LARGE1: variants seen among roughly 807,000 people sequenced by gnomAD.
LARGE1 encodes xylosyl- and glucuronyltransferase LARGE1.
A neutral mutation model predicts 87.6 loss-of-function variants in LARGE1; 43 were observed. That is an observed-to-expected ratio of 0.49 (90% CI 0.38 to 0.63). The LOEUF is 0.63. LARGE1 is among the 30% of genes least tolerant of loss of function. The probability of loss-of-function intolerance (pLI) is 0.00; values close to 1 mark genes in which losing one functional copy is unlikely to be tolerated. For missense variants in LARGE1, 802 were observed against 1,000.2 expected (o/e 0.80, Z 2.67); for synonymous variants, 434 against 394.6 (o/e 1.10, Z -1.18).
intron 11 of LARGE1, among the ~76,000 whole-genome samples, chr22:33,167,555 T>C (rs1922339219): frequency 1.3e-5 from 2 of 152,298 alleles, no homozygotes; most frequent in South Asian, 4.1e-4. Flanking sequence ...TTTCAATTTA[T>C]TCCTAACAGG....
chr22:33,840,379 T>C (rs1314750404), intron 1 of LARGE1, among the ~76,000 whole-genome samples: 5 of 152,224 alleles, frequency 3.3e-5, no homozygotes, highest in South Asian at 2.1e-4. Flanking sequence ...AAACTTTTTA[T>C]ACATACATTC....
chr22:33,381,922 TAGATCAGAC>T lies in LARGE1; in HGVS notation c.1119_1127del (p.Ser374_Leu376del), dbSNP rs1189997868. 1.9e-6 allele frequency: 3 copies of T among 1,613,892 alleles called. No homozygotes were observed. The highest frequency in any genetic ancestry group is 2.5e-6 in the Non-Finnish European group (3 of 1,179,998). ...GATGTCCCTGTGTTGACCCTACCTTTAGATCAGACACGTCTCTGTAGCACTGCTCGGAGC... is the reference window on the plus strand; with the variant it reads ...GATGTCCCTGTGTTGACCCTACCTTTACGTCTCTGTAGCACTGCTCGGAGC... On this transcript the variant is annotated inframe_deletion, in exon 9 of 15. Transcript: ENST00000397394.
chr22:33,298,691 C>A (rs934024637), intron 12 of LARGE1, among the ~76,000 whole-genome samples: 6 of 152,018 alleles, frequency 3.9e-5, no homozygotes, highest in African/African-American at 1.4e-4. Flanking sequence ...ATTAGCTGGG[C>A]AAGGTGGTGT....
At chr22:33,395,565 A>G (rs1174013183) in intron 7 of LARGE1, among the ~76,000 whole-genome samples, 7 of 152,182 alleles carry the variant, frequency 4.6e-5, no homozygotes, top group African/African-American at 1.4e-4. Flanking sequence ...GTTTAAGAGA[A>G]GGTTCTGCCA....
chr22:33,525,866 T>C (rs752675219), intron 6 of LARGE1, among the ~76,000 whole-genome samples: 6 of 152,164 alleles, frequency 3.9e-5, no homozygotes, highest in Non-Finnish European at 4.4e-5. Flanking sequence ...ATTTGGAAAA[T>C]GGTTTGGCAA....
intron 6 of LARGE1, among the ~76,000 whole-genome samples, chr22:33,543,085 A>G (rs1602341247): frequency 6.6e-6 from 1 of 152,334 alleles, no homozygotes; most frequent in Non-Finnish European, 1.5e-5. Flanking sequence ...AAGACTGGAA[A>G]GAAAATTTAT....
chr22:33,643,980 G>C (rs1258630544), intron 3 of LARGE1, among the ~76,000 whole-genome samples: 1 of 152,096 alleles, frequency 6.6e-6, no homozygotes, highest in Non-Finnish European at 1.5e-5. Flanking sequence ...TCTTACCAGA[G>C]GTACAAAGAG....
At chr22:33,084,549 G>A in the LARGE1 span, among the ~76,000 whole-genome samples, 1 of 151,790 alleles carries the variant, frequency 6.6e-6, no homozygotes, top group African/African-American at 2.4e-5. Flanking sequence ...CAGCTACTTG[G>A]GAGCTGAGGT....
At chr22:33,293,650 G>T (rs545412231) in intron 12 of LARGE1, among the ~76,000 whole-genome samples, 9 of 152,182 alleles carry the variant, frequency 5.9e-5, no homozygotes, top group Non-Finnish European at 1.2e-4. Context: ...AGGAGGCTAC[G>T]ATCTGTGTAC....
At chr22:33,674,660 G>T (rs891085337) in intron 2 of LARGE1, among the ~76,000 whole-genome samples, 1 of 152,102 alleles carries the variant, frequency 6.6e-6, no homozygotes, top group Non-Finnish European at 1.5e-5. Context: ...CCAATGCATG[G>T]ATCACTCTTC....
chr22:33,422,460 T>A (rs2066725712), intron 7 of LARGE1, among the ~76,000 whole-genome samples: 1 of 151,362 alleles, frequency 6.6e-6, no homozygotes. Flanking sequence ...GTACCTCACA[T>A]GGCCAGAGCA....
intron 6 of LARGE1, among the ~76,000 whole-genome samples, chr22:33,516,578 TTCC>T (rs1209057778): frequency 2.0e-5 from 3 of 151,062 alleles, no homozygotes; most frequent in Non-Finnish European, 3.0e-5. Flanking sequence ...CCTCCCCAAC[TTCC>T]TCCTATTATT....
downstream of LARGE1, among the ~76,000 whole-genome samples, chr22:33,269,223 A>G (rs1252461750): frequency 6.6e-6 from 1 of 152,240 alleles, no homozygotes. Flanking sequence ...AATGTAAGGG[A>G]TAAAGTTATT....
intron 6 of LARGE1, among the ~76,000 whole-genome samples, chr22:33,443,193 A>G (rs918762906): frequency 2.0e-5 from 3 of 152,200 alleles, no homozygotes; most frequent in Non-Finnish European, 4.4e-5. Context: ...GTTTAGAGAG[A>G]TAAAGTCACA....
intron 11 of LARGE1, among the ~76,000 whole-genome samples, chr22:33,228,121 G>A (rs1925824651): frequency 6.6e-6 from 1 of 152,186 alleles, no homozygotes; most frequent in Admixed American, 6.5e-5. Context: ...CCACAAGCAA[G>A]TTATTTATTC....
intron 11 of LARGE1, among the ~76,000 whole-genome samples, chr22:33,314,880 C>A (rs964588889): frequency 4.6e-5 from 7 of 152,052 alleles, no homozygotes; most frequent in African/African-American, 1.7e-4. Flanking sequence ...GGCTTCAAAT[C>A]CATTCACTTC....
chr22:33,325,558 T>C (rs1279788925), intron 10 of LARGE1, among the ~76,000 whole-genome samples: 3 of 152,250 alleles, frequency 2.0e-5, no homozygotes, highest in African/African-American at 7.2e-5. Context: ...CCATGTGGAC[T>C]TTCTGCAAGG....
At chr22:33,746,183 A>C (rs2084077342) in intron 2 of LARGE1, among the ~76,000 whole-genome samples, 1 of 152,176 alleles carries the variant, frequency 6.6e-6, no homozygotes, top group African/African-American at 2.4e-5. Flanking sequence ...CAGAGCTTGC[A>C]GTGAGCAGAG....
chr22:33,865,805 A>G lies in LARGE1; in HGVS notation c.-83+54190T>C, dbSNP rs537215439. Among the ~76,000 whole-genome samples, 16 of 138,310 alleles carry G rather than the reference A, an allele frequency of 1.2e-4. No individual in the cohort carries two copies. In the South Asian group the frequency reaches 2.9e-3, roughly 25 times the overall value. 90.7% of individuals were successfully genotyped at this position (138,310 alleles called of 152,430 possible). The stretch of plus-strand genomic sequence containing the variant: ...AACATTTAAAAAATACTCAGTATAT[A>G]GTAAGCATTCAATGTTAGCTGTTAT... On this transcript the variant is annotated intron_variant, in intron 1 of 14. Transcript: ENST00000397394.
Sources: gnomAD v4.1 joint callset for allele counts (sites outside exome capture counted in the v4.1 genomes callset) on GRCh38, gnomAD v4.1.1 for gene constraint, MANE v1.5 for transcripts, NCBI Gene and HGNC (gene_info 2026-07-23, HGNC 2026-07-21) for gene names.